The following GRIK2 variants were observed in gnomAD, a reference collection of about 807,000 sequenced individuals.
GRIK2 encodes glutamate ionotropic receptor kainate type subunit 2, also known as glutamate receptor ionotropic, kainate 2.
A neutral mutation model predicts 100.3 loss-of-function variants in GRIK2; 32 were observed. The ratio of observed to expected loss-of-function variants is 0.32; its 90% CI spans 0.24 to 0.43. The LOEUF (loss-of-function observed/expected upper bound fraction) is 0.43, where lower values mean the gene tolerates loss of function less well. Among genes scored for constraint, GRIK2 ranks in the 20% least tolerant of loss-of-function variants. GRIK2 has a pLI of 1.00. For synonymous variants in GRIK2, 417 were observed against 389.4 expected (o/e 1.07, Z -0.83); for missense variants, 843 against 1,114.9 (o/e 0.76, Z 3.47).
chr6:101,676,222 G>A (rs1233508007), intron 4 of GRIK2, among the ~76,000 whole-genome samples: 1 of 152,136 alleles, frequency 6.6e-6, no homozygotes, highest in Admixed American at 6.6e-5. Context: ...CAGGGGAGTA[G>A]AACTGGGGTA....
intron 2 of GRIK2, among the ~76,000 whole-genome samples, chr6:101,485,875 G>A (rs78668037): frequency 1.6e-3 from 232 of 149,170 alleles, no homozygotes; most frequent in African/African-American, 5.4e-3. Context: ...TTTTCTGGTT[G>A]GTATAAAACG....
intron 14 of GRIK2, among the ~76,000 whole-genome samples, chr6:102,009,709 T>C (rs1795421159): frequency 6.6e-6 from 1 of 152,186 alleles, no homozygotes; most frequent in South Asian, 2.1e-4. Context: ...CCATCCTTGA[T>C]TTTACTTTTC....
intron 15 of GRIK2, among the ~76,000 whole-genome samples, chr6:102,035,800 G>C (rs1770239105): frequency 6.6e-6 from 1 of 151,266 alleles, no homozygotes; most frequent in South Asian, 2.1e-4. Flanking sequence ...TATTTTTACT[G>C]TATCAGTGTT....
chr6:101,793,456 G>T (rs1298312880), intron 7 of GRIK2, among the ~76,000 whole-genome samples: 1 of 152,180 alleles, frequency 6.6e-6, no homozygotes, highest in East Asian at 1.9e-4. Context: ...GTCTGTTGGA[G>T]TTTGCTAGAG....
intron 2 of GRIK2, among the ~76,000 whole-genome samples, chr6:101,432,274 C>T (rs562382643): frequency 6.6e-6 from 1 of 152,226 alleles, no homozygotes; most frequent in East Asian, 1.9e-4. Context: ...ATTCATTGAA[C>T]TAATATTTAC....
chr6:101,933,369 C>T (rs1176496425), intron 14 of GRIK2, among the ~76,000 whole-genome samples: 1 of 151,808 alleles, frequency 6.6e-6, no homozygotes, highest in Non-Finnish European at 1.5e-5. Context: ...GTACTGATTA[C>T]TCGTCTATCT....
At chr6:101,481,851 A>C (rs1362543454) in intron 2 of GRIK2, among the ~76,000 whole-genome samples, 1 of 152,116 alleles carries the variant, frequency 6.6e-6, no homozygotes. Context: ...TGAATCATAG[A>C]GGCAGTTTCC....
intron 14 of GRIK2, among the ~76,000 whole-genome samples, chr6:101,971,808 T>C (rs564460912): frequency 6.6e-6 from 1 of 152,078 alleles, no homozygotes; most frequent in South Asian, 2.1e-4. Flanking sequence ...CCATGTATAC[T>C]CAAAGTTTAG....
intron 14 of GRIK2, among the ~76,000 whole-genome samples, chr6:101,995,330 A>C (rs541735277): frequency 6.6e-6 from 1 of 152,078 alleles, no homozygotes; most frequent in East Asian, 1.9e-4. Flanking sequence ...CTGACTATAA[A>C]GCCAAGTAAC....
At chr6:101,690,537 A>G (rs1772018458) in intron 7 of GRIK2, among the ~76,000 whole-genome samples, 2 of 152,100 alleles carry the variant, frequency 1.3e-5, no homozygotes, top group South Asian at 4.1e-4. Flanking sequence ...TCCTACTCCT[A>G]ACATCTCTCT....
At chr6:101,587,576 C>G (rs1373734187) in intron 2 of GRIK2, among the ~76,000 whole-genome samples, 1 of 152,024 alleles carries the variant, frequency 6.6e-6, no homozygotes, top group African/African-American at 2.4e-5. Flanking sequence ...TATGAATTTT[C>G]AGATTGGAAA....
At chr6:101,905,321 T>G (rs1256329251) in intron 12 of GRIK2, among the ~76,000 whole-genome samples, 1 of 151,628 alleles carries the variant, frequency 6.6e-6, no homozygotes, top group Admixed American at 6.6e-5. Context: ...ATTTTAATCT[T>G]TCATTTGCAG....
chr6:101,687,054 T>C (rs1296780455), intron 7 of GRIK2, among the ~76,000 whole-genome samples: 2 of 152,090 alleles, frequency 1.3e-5, no homozygotes, highest in African/African-American at 4.8e-5. Flanking sequence ...TTTAAGCTAC[T>C]ATGTAAAAAT....
intron 2 of GRIK2, among the ~76,000 whole-genome samples, chr6:101,579,520 A>G (rs1421276842): frequency 6.9e-6 from 1 of 144,520 alleles, no homozygotes; most frequent in African/African-American, 2.6e-5. Context: ...CTTCTCTGCA[A>G]TGGCTGTCCT....
chr6:101,869,760 A>C (rs975778097), intron 11 of GRIK2, among the ~76,000 whole-genome samples: 5 of 151,796 alleles, frequency 3.3e-5, no homozygotes, highest in African/African-American at 1.2e-4. Context: ...CTGTCTCCTC[A>C]AGTTAGGGAC....
At chr6:101,795,897 T>A (rs1780270643) in intron 7 of GRIK2, among the ~76,000 whole-genome samples, 1 of 152,236 alleles carries the variant, frequency 6.6e-6, no homozygotes. Context: ...ATTTCTTTTT[T>A]ACAAATATGC....
At chr6:101,757,227 A>G (rs1216058814) in intron 7 of GRIK2, among the ~76,000 whole-genome samples, 8 of 152,168 alleles carry the variant, frequency 5.3e-5, no homozygotes, top group Non-Finnish European at 1.5e-5. Context: ...AATATTTTTA[A>G]ACATGAGGAT....
chr6:101,466,910 A>ATT (rs1771678436), intron 2 of GRIK2, among the ~76,000 whole-genome samples: 1 of 152,228 alleles, frequency 6.6e-6, no homozygotes, highest in Non-Finnish European at 1.5e-5. Flanking sequence ...GGATGGATGA[A>ATT]TTTTAAAGGT....
At position 101,924,536 on chromosome 6, in the gene GRIK2, A is replaced by C; in HGVS notation, c.1749-65A>C. ...TCTTTTTGTTTCTTTTGCAGCAAAA[A>C]ATGCTGGATAGAATTTCTTCCCACT... is the stretch of plus-strand genomic sequence containing the variant. On this transcript the variant is annotated intron_variant, in intron 12 of 16. Transcript: ENST00000369134. The C allele has an allele frequency of 4.8e-6, 4 of 838,372 alleles. No homozygotes were observed. In the Admixed American group the frequency reaches 7.7e-5, roughly 16 times the overall value. The allele number at this position is 838,372 out of a possible 1,614,324, so 51.9% of individuals were successfully genotyped here. A position where few individuals can be genotyped will look rare whatever the true frequency, so the allele number is the denominator to read the frequency against.
Sources: allele counts gnomAD v4.1 joint callset (sites outside exome capture counted in the v4.1 genomes callset), GRCh38; gene constraint gnomAD v4.1.1; transcripts MANE v1.5; gene names NCBI Gene and HGNC (gene_info 2026-07-23, HGNC 2026-07-21).